Variants in TMEM131L observed in about 807,000 individuals in gnomAD.
TMEM131L encodes transmembrane 131 like, also known as transmembrane protein 131-like.
A neutral mutation model predicts 192.2 loss-of-function variants in TMEM131L; 54 were observed. The ratio of observed to expected loss-of-function variants is 0.28; its 90% CI spans 0.23 to 0.35. TMEM131L has a LOEUF of 0.35. TMEM131L is among the 10% of genes least tolerant of loss of function. The probability of loss-of-function intolerance (pLI) is 1.00; values close to 1 mark genes in which losing one functional copy is unlikely to be tolerated. For synonymous variants in TMEM131L, 701 were observed against 704.9 expected, an observed-to-expected ratio of 0.99 and a Z score of 0.09; for missense variants, 1,888 against 1,972.9, an observed-to-expected ratio of 0.96 and a Z score of 0.82.
In TMEM131L at chr4:153,520,696, T is replaced by C. The variant is rs117370121; in HGVS notation, c.240-29377T>C. On this transcript the variant is annotated intron_variant, in intron 3 of 34. Coordinates refer to ENST00000409959, the MANE Select transcript of TMEM131L (RefSeq NM_001131007.2). ...AAGGGCTATCTCTGTGCCCTGTCTCTTCTTCTTTCCTTAATAACTGAGCGG... is the reference window on the plus strand; with the variant it reads ...AAGGGCTATCTCTGTGCCCTGTCTCCTCTTCTTTCCTTAATAACTGAGCGG... Among the ~76,000 whole-genome samples the C allele has an allele frequency of 2.4e-4, 37 of 152,360 alleles. No homozygotes were observed. The East Asian group carries it at 6.9e-3, about 29-fold the overall frequency.
Position 153,586,393 on chromosome 4 carries a change from T to A in TMEM131L, c.1482+14T>A. 6.4e-7 allele frequency: 1 copy of A among 1,568,306 alleles called. No homozygotes were observed. The highest frequency in any genetic ancestry group is 1.2e-5 in the South Asian group (1 of 82,208). Reference sequence around the variant, plus strand: ...GCACCAACCAAGGTATTTTCTACAATACTATATGTGTGTTACAGTTTTCTT... The same window carrying A: ...GCACCAACCAAGGTATTTTCTACAAAACTATATGTGTGTTACAGTTTTCTT... On this transcript the variant is annotated intron_variant, in intron 14 of 34. Transcript: ENST00000409959.
chr4:153,508,290 A>G (rs1396305602), intron 3 of TMEM131L, among the ~76,000 whole-genome samples: 4 of 152,208 alleles, frequency 2.6e-5, no homozygotes, highest in Admixed American at 6.5e-5. Flanking sequence ...TAATATTTTT[A>G]TAGTCTTAAA....
At chr4:153,621,639 A>G (rs1210547495) in intron 27 of TMEM131L, 44 bp from the exon 28 acceptor site, 15 of 1,603,460 alleles carry the variant, frequency 9.4e-6, no homozygotes, top group Non-Finnish European at 1.2e-5. Context: ...TGTGTACATG[A>G]TAAAATACAG....
At chr4:153,471,415 A>G (rs767612316) in intron 2 of TMEM131L, among the ~76,000 whole-genome samples, 1 of 152,156 alleles carries the variant, frequency 6.6e-6, no homozygotes, top group Non-Finnish European at 1.5e-5. Context: ...GTAGACATTC[A>G]GTACTGCCCA....
rs886907260 is a variant in TMEM131L, at chr4:153,623,153, C to T, written c.4045+70C>T. 11 of 1,385,050 alleles carry T rather than the reference C, an allele frequency of 7.9e-6. No homozygotes were observed. The Admixed American group carries it at 2.7e-4, about 33-fold the overall frequency. 85.8% of individuals were successfully genotyped at this position (1,385,050 alleles called of 1,614,324 possible). ...TCTGCCCTCCCACGTACCCAGTCCA[C>T]ACAGTCTCGATCTGCCTTCAGGAGT... On this transcript the variant is annotated intron_variant, in intron 29 of 34. Transcript: ENST00000409959.
intron 26 of TMEM131L, among the ~76,000 whole-genome samples, chr4:153,614,224 AG>A (rs1012779957): frequency 1.3e-5 from 2 of 152,116 alleles, no homozygotes; most frequent in Non-Finnish European, 2.9e-5. Context: ...AATGGGAGGG[AG>A]GGGTCAGAGT....
At chr4:153,610,703 C>T (rs1387945054) in intron 25 of TMEM131L, among the ~76,000 whole-genome samples, 2 of 152,202 alleles carry the variant, frequency 1.3e-5, no homozygotes, top group South Asian at 4.1e-4. Context: ...TAATTTGTAG[C>T]CTCAGAATTT....
At chr4:153,521,282 G>A (rs1313032842) in intron 3 of TMEM131L, among the ~76,000 whole-genome samples, 1 of 152,142 alleles carries the variant, frequency 6.6e-6, no homozygotes, top group Non-Finnish European at 1.5e-5. Context: ...GAGAAGGGGC[G>A]GGGTGGTTAT....
At chr4:153,558,617 G>T (rs146566147) in intron 7 of TMEM131L, 29 of 274,188 alleles carry the variant, frequency 1.1e-4, no homozygotes, top group African/African-American at 5.4e-4. Context: ...TGTTATTACC[G>T]TTAGGCCATA....
chr4:153,598,500 T>C, intron 20 of TMEM131L, 90 bp from the exon 21 acceptor site: 1 of 1,159,354 alleles, frequency 8.6e-7, no homozygotes, highest in Non-Finnish European at 1.2e-6. Flanking sequence ...TTTAAAAATA[T>C]TCTTGATAAC....
At position 153,523,725 on chromosome 4, in the gene TMEM131L, T is replaced by G. The variant is rs17030072; in HGVS notation, c.240-26348T>G. 7.3e-3 allele frequency among the ~76,000 whole-genome samples: 1,106 copies of G among 152,288 alleles called. 20 individuals are homozygous for G. Among genetic ancestry groups the G allele is most frequent in the African/African-American group, 0.025 (1,044 of 41,552 alleles). ...GTTATCATATTATTATTGATGGGAT[T>G]ATGGAGAAAAGTCTGCGGTTAGTGT... On this transcript the variant is annotated intron_variant, in intron 3 of 34. Coordinates refer to ENST00000409959, the MANE Select transcript of TMEM131L (RefSeq NM_001131007.2).
At chr4:153,576,675 T>TAAA (rs11313932) in intron 7 of TMEM131L, among the ~76,000 whole-genome samples, 1 of 141,156 alleles carries the variant, frequency 7.1e-6, no homozygotes, top group Non-Finnish European at 1.6e-5. Flanking sequence ...GTAGATTTCT[T>TAAA]AAAAAAAAAA....
intron 23 of TMEM131L, 80 bp downstream of exon 23, chr4:153,602,807 C>A: frequency 8.1e-7 from 1 of 1,231,440 alleles, no homozygotes; most frequent in Non-Finnish European, 1.2e-6. Context: ...GTGAACTGCC[C>A]GAGTGTAGTC....
intron 3 of TMEM131L, among the ~76,000 whole-genome samples, chr4:153,543,938 G>C (rs1263817531): frequency 6.6e-6 from 1 of 151,512 alleles, no homozygotes; most frequent in Non-Finnish European, 1.5e-5. Context: ...TCAGAGTCTT[G>C]ATACAATAAC....
At chr4:153,478,331 A>C (rs1261876848) in intron 3 of TMEM131L, among the ~76,000 whole-genome samples, 5 of 152,192 alleles carry the variant, frequency 3.3e-5, no homozygotes, top group Admixed American at 6.5e-5. Flanking sequence ...CTATTCATTT[A>C]CCTTCTACCT....
At chr4:153,500,549 T>G (rs1033942153) in intron 3 of TMEM131L, among the ~76,000 whole-genome samples, 3 of 152,238 alleles carry the variant, frequency 2.0e-5, no homozygotes, top group Admixed American at 6.5e-5. Context: ...CATTAGCACT[T>G]CTAGTAGCAG....
intron 7 of TMEM131L, among the ~76,000 whole-genome samples, chr4:153,564,780 T>G (rs1382424734): frequency 6.6e-6 from 1 of 152,240 alleles, no homozygotes; most frequent in African/African-American, 2.4e-5. Context: ...CAAAACTGTT[T>G]GTTAATTCCC....
intron 3 of TMEM131L, among the ~76,000 whole-genome samples, chr4:153,525,744 C>G (rs771914238): frequency 1.3e-5 from 2 of 152,180 alleles, no homozygotes; most frequent in African/African-American, 2.4e-5. Flanking sequence ...TTCTCTGTAT[C>G]AGTGTTTTTC....
At chr4:153,515,062 T>G (rs1411712214) in intron 3 of TMEM131L, among the ~76,000 whole-genome samples, 6 of 152,220 alleles carry the variant, frequency 3.9e-5, no homozygotes. Flanking sequence ...TCCACCTGCC[T>G]CGGCCTCCCG....
Sources: allele counts gnomAD v4.1 joint callset (sites outside exome capture counted in the v4.1 genomes callset), GRCh38; gene constraint gnomAD v4.1.1; transcripts MANE v1.5; gene names NCBI Gene and HGNC (gene_info 2026-07-23, HGNC 2026-07-21).